ACTN4: variants seen among roughly 807,000 people sequenced by gnomAD.
The protein encoded by ACTN4 is alpha-actinin-4.
Under a neutral mutation model 114.2 loss-of-function variants are expected in ACTN4, and 18 were observed. That is an observed-to-expected ratio of 0.16 (90% CI 0.11 to 0.23). ACTN4 has a LOEUF of 0.23. Among genes scored for constraint, ACTN4 ranks in the 10% least tolerant of loss-of-function variants. The pLI is 1.00. For missense variants in ACTN4, 722 were observed against 1,262.9 expected (o/e 0.57, Z 6.49); for synonymous variants, 515 against 506.3 (o/e 1.02, Z -0.23).
intron 8 of ACTN4, chr19:38,711,252 CTCTT>C (rs1480343256): frequency 1.8e-5 from 18 of 990,520 alleles, no homozygotes; most frequent in African/African-American, 3.5e-5. Flanking sequence ...GCCTCTCTCT[CTCTT>C]TCTCTCTCTC....
At chr19:38,661,890 T>TA (rs1976898244) in intron 1 of ACTN4, among the ~76,000 whole-genome samples, 1 of 152,056 alleles carries the variant, frequency 6.6e-6, no homozygotes. Flanking sequence ...CTGACCTCGT[T>TA]ATCCGCCCGC....
intron 1 of ACTN4, among the ~76,000 whole-genome samples, chr19:38,697,454 T>C (rs147678322): frequency 6.6e-6 from 1 of 152,258 alleles, no homozygotes; most frequent in East Asian, 1.9e-4. Context: ...CCTAGTTTAA[T>C]TCTTAGAGCA....
At position 38,731,433 on chromosome 19, in the gene ACTN4, C is replaced by T. The variant is rs1969601876; in HGVS notation, c.*2001C>T. On this transcript the variant is annotated 3_prime_UTR_variant, in exon 21 of 21. Coordinates refer to ENST00000252699, the MANE Select transcript of ACTN4 (RefSeq NM_004924.6). ...AAACGGACTAAGACAGCCCCGACCC[C>T]ATAGGGTGTGTGAAGACAGAACGCT... 4 of 596,320 alleles carry T rather than the reference C, an allele frequency of 6.7e-6. No homozygotes were observed. The South Asian group carries it at 7.6e-5, about 11-fold the overall frequency. 36.9% of individuals were successfully genotyped at this position (596,320 alleles called of 1,614,324 possible).
At chr19:38,697,535 T>C (rs1236165846) in intron 1 of ACTN4, among the ~76,000 whole-genome samples, 1 of 152,248 alleles carries the variant, frequency 6.6e-6, no homozygotes, top group Non-Finnish European at 1.5e-5. Context: ...GTAAAGTCAC[T>C]TGGTTGAAAA....
intron 1 of ACTN4, among the ~76,000 whole-genome samples, chr19:38,680,226 T>G (rs1441507812): frequency 0.01 from 369 of 35,180 alleles, 9 homozygotes; most frequent in Middle Eastern, 0.029. Flanking sequence ...TTTTTTTTTT[T>G]TTTTTTTTTT....
At chr19:38,673,444 T>A (rs1452670726) in intron 1 of ACTN4, among the ~76,000 whole-genome samples, 1 of 106,452 alleles carries the variant, frequency 9.4e-6, no homozygotes, top group East Asian at 2.6e-4. Flanking sequence ...TTATTTTTTA[T>A]ATATATATAT....
chr19:38,724,197 C>T lies in ACTN4; in HGVS notation c.1733C>T (p.Pro578Leu), dbSNP rs1031037100. ...SAHDQFKSTL[P>L]DADREREAIL... Reference sequence around the variant, plus strand: ...CATGACCAGTTCAAGTCCACCCTGCCGGACGCCGATAGGGAGCGCGAGGCC... The same window carrying T: ...CATGACCAGTTCAAGTCCACCCTGCTGGACGCCGATAGGGAGCGCGAGGCC... Residue 578 changes from proline to leucine, a missense_variant, in exon 15 of 21, where the codon CCG becomes CTG. By Grantham distance (98) the Pro-to-Leu change is moderately conservative (BLOSUM62 -3). This residue lies in a region of ACTN4 where 523 missense variants were observed against 875.9 expected (regional missense o/e 0.60). Transcript: ENST00000252699. The surrounding 1 kb of genome is among the most constrained non-coding windows in gnomAD (Gnocchi z 7.0). 1.6e-5 allele frequency: 26 copies of T among 1,613,776 alleles called. No homozygotes were observed. Among genetic ancestry groups the T allele is most frequent in the Admixed American group, 1.2e-4 (7 of 60,004 alleles).
chr19:38,649,196 A>C (rs1020757521), intron 1 of ACTN4, among the ~76,000 whole-genome samples: 4 of 138,372 alleles, frequency 2.9e-5, no homozygotes, highest in African/African-American at 8.1e-5. Flanking sequence ...CGGGGGGGGC[A>C]ACTTGGTAGG....
rs112773104 is a variant in ACTN4 at position 38,685,654 on chromosome 19, C to A, written c.163-14946C>A. On this transcript the variant is annotated intron_variant, in intron 1 of 20. Transcript: ENST00000252699. ...CAGAGAGTAGGAAGCCCGCAGGGAC[C>A]GAGTATGCATGAAACAAGCCCAAGT... Among the ~76,000 whole-genome samples, 1,075 of 152,148 alleles carry A rather than the reference C, an allele frequency of 7.1e-3. 25 individuals are homozygous for A. The highest frequency in any genetic ancestry group is 0.051 in the East Asian group (261 of 5,164).
chr19:38,673,664 TTATATATA>T (rs1302016069), intron 1 of ACTN4, among the ~76,000 whole-genome samples: 1 of 14,646 alleles, frequency 6.8e-5, no homozygotes, highest in South Asian at 1.9e-3. Context: ...TTTATATATA[TTATATATA>T]TTTATATATT....
Position 38,724,702 on chromosome 19 carries a change from G to T in ACTN4, c.2010+137G>T. The T allele has an allele frequency of 1.4e-6, 2 of 1,416,984 alleles. No individual in the cohort carries two copies. The highest frequency in any genetic ancestry group is 1.2e-5 in the South Asian group (1 of 84,294). 87.8% of individuals were successfully genotyped at this position (1,416,984 alleles called of 1,614,324 possible). A position where few individuals can be genotyped will look rare whatever the true frequency, so the allele number is the denominator to read the frequency against. On this transcript the variant is annotated intron_variant, in intron 16 of 20. Coordinates refer to ENST00000252699, the MANE Select transcript of ACTN4 (RefSeq NM_004924.6). The surrounding 1 kb of genome is among the most constrained non-coding windows in gnomAD (Gnocchi z 7.0). ...TCCCAATTCTCACCACCCAGGGGCC[G>T]TGATCACCCTGCGGGGTTAGGAGAG...
At chr19:38,703,617 C>T (rs1968357047) in intron 3 of ACTN4, among the ~76,000 whole-genome samples, 3 of 152,198 alleles carry the variant, frequency 2.0e-5, no homozygotes, top group Non-Finnish European at 4.4e-5. Flanking sequence ...TTCCTGACAA[C>T]ACAGCAGCCA....
At chr19:38,658,388 C>G (rs1431610756) in intron 1 of ACTN4, among the ~76,000 whole-genome samples, 1 of 152,166 alleles carries the variant, frequency 6.6e-6, no homozygotes, top group Non-Finnish European at 1.5e-5. Flanking sequence ...AAAAAGAACT[C>G]TAAATTTCCC....
intron 1 of ACTN4, among the ~76,000 whole-genome samples, chr19:38,673,636 T>TTTATATATTTATATATA (rs1967248662): frequency 1.9e-5 from 1 of 52,248 alleles, no homozygotes; most frequent in Non-Finnish European, 4.3e-5. Context: ...TTCATATATA[T>TTTATATATTTATATATA]TTATATATAT....
intron 1 of ACTN4, among the ~76,000 whole-genome samples, chr19:38,678,724 CCTT>C (rs1475744832): frequency 6.6e-6 from 1 of 152,184 alleles, no homozygotes; most frequent in Non-Finnish European, 1.5e-5. Flanking sequence ...TCCCTCCACA[CCTT>C]CTTCGCTGTC....
At chr19:38,725,940 C>T (rs757604362) in intron 17 of ACTN4, 37 bp downstream of exon 17, 1 of 1,611,198 alleles carries the variant, frequency 6.2e-7, no homozygotes, top group Non-Finnish European at 8.5e-7. Context: ...TTTCCACCAG[C>T]ATGGCCGGCT....
intron 1 of ACTN4, among the ~76,000 whole-genome samples, chr19:38,676,675 G>A (rs556366059): frequency 5.7e-4 from 87 of 152,292 alleles, no homozygotes; most frequent in African/African-American, 1.8e-3. Flanking sequence ...GGCCCGGAAA[G>A]GCCTGAGTAG....
rs1231361045 is a variant in ACTN4, at chr19:38,725,767, A to T, written c.2054A>T (p.Asp685Val). Residue 685 changes from aspartate (D) to valine (V), a missense_variant, in exon 17 of 21, where the codon GAC (aspartate) becomes GTC (valine). Physicochemically the swap from Asp to Val is radical, Grantham distance 152 (BLOSUM62 -3). Coordinates refer to ENST00000252699, the MANE Select transcript of ACTN4 (RefSeq NM_004924.6). ...ATTGAGATGAACGGGACCCTGGAGG[A>T]CCAGCTGAGCCACCTGAAGCAGTAT... ...ISIEMNGTLE[D>V]QLSHLKQYER... The T allele has an allele frequency of 6.2e-7, 1 of 1,614,144 alleles. No individual in the cohort carries two copies. The highest frequency in any genetic ancestry group is 8.5e-7 in the Non-Finnish European group (1 of 1,180,044).
At chr19:38,716,056 C>CA (rs750534927) in intron 9 of ACTN4, among the ~76,000 whole-genome samples, 49 of 152,324 alleles carry the variant, frequency 3.2e-4, no homozygotes, top group Non-Finnish European at 6.6e-4. Context: ...CGCGCACCAC[C>CA]ACGCCCAGCT....
Sources: allele counts gnomAD v4.1 joint callset (sites outside exome capture counted in the v4.1 genomes callset), GRCh38; gene constraint gnomAD v4.1.1; regional missense constraint gnomAD v4.1.1; non-coding constraint Gnocchi (gnomAD v3.1); transcripts MANE v1.5; gene names NCBI Gene and HGNC (gene_info 2026-07-23, HGNC 2026-07-21).